HERC1: variants seen among roughly 807,000 people sequenced by gnomAD.
HERC1 encodes the protein probable E3 ubiquitin-protein ligase HERC1.
Under a neutral mutation model 554.3 loss-of-function variants are expected in HERC1, and 160 were observed. The ratio of observed to expected loss-of-function variants is 0.29; its 90% confidence interval spans 0.25 to 0.33. HERC1 has a LOEUF of 0.33. Among genes scored for constraint, HERC1 ranks in the 10% least tolerant of loss-of-function variants. HERC1 has a pLI of 1.00. For synonymous variants in HERC1, 2,175 were observed against 2,131.7 expected, an observed-to-expected ratio of 1.02 and a Z score of -0.56; for missense variants, 4,919 against 5,918.5, an observed-to-expected ratio of 0.83 and a Z score of 5.54.
rs1378851561 is a variant in HERC1, at chr15:63,786,917, A to ATT, written c.-26-11270_-26-11269dup. On this transcript the variant is annotated intron_variant, in intron 1 of 77. Transcript: ENST00000443617. ...GATGTGAACTTCAACTCAATAAATTATTATTTTTTTTTTTTTTATTTTTTG... is the reference window on the plus strand; with the variant it reads ...GATGTGAACTTCAACTCAATAAATTATTTTATTTTTTTTTTTTTTATTTTTTG... Among the ~76,000 whole-genome samples the ATT allele has an allele frequency of 1.4e-3, 184 of 126,942 alleles. 8 individuals are homozygous for ATT. The highest frequency in any genetic ancestry group is 7.5e-3 in the Middle Eastern group (2 of 268). The allele number at this position is 126,942 out of a possible 152,430, so 83.3% of individuals were successfully genotyped here.
intron 12 of HERC1, among the ~76,000 whole-genome samples, chr15:63,736,008 T>A (rs969822232): frequency 1.3e-5 from 2 of 152,018 alleles, no homozygotes; most frequent in Admixed American, 1.3e-4. Flanking sequence ...CAAAAGCCCA[T>A]CTAAAACAAT....
intron 1 of HERC1, among the ~76,000 whole-genome samples, chr15:63,783,736 C>T (rs1253313251): frequency 6.6e-6 from 1 of 152,132 alleles, no homozygotes; most frequent in Non-Finnish European, 1.5e-5. Flanking sequence ...CTTTGAGAAT[C>T]TGATAAAAGC....
chr15:63,767,410 C>T (rs984513425), intron 2 of HERC1, among the ~76,000 whole-genome samples: 1 of 150,852 alleles, frequency 6.6e-6, no homozygotes, highest in Non-Finnish European at 1.5e-5. Flanking sequence ...GGCAGATAAA[C>T]AATAAATAAT....
At chr15:63,800,754 T>C (rs953189343) in intron 1 of HERC1, among the ~76,000 whole-genome samples, 1 of 152,216 alleles carries the variant, frequency 6.6e-6, no homozygotes, top group Non-Finnish European at 1.5e-5. Flanking sequence ...ATTTCCTTTG[T>C]GATAGGGGAA....
At chr15:63,647,140 G>C (rs912370654) in intron 55 of HERC1, among the ~76,000 whole-genome samples, 7 of 152,026 alleles carry the variant, frequency 4.6e-5, no homozygotes, top group African/African-American at 1.7e-4. Context: ...TGTAATCCCA[G>C]CTACTCAGGA....
intron 60 of HERC1, 53 bp from the exon 61 acceptor site, chr15:63,640,498 T>C (rs1164676117): frequency 7.2e-7 from 1 of 1,384,444 alleles, no homozygotes; most frequent in African/African-American, 1.4e-5. Flanking sequence ...CCAAATATTC[T>C]AAATTAACCT....
In HERC1 at chr15:63,640,283, A is replaced by G; in HGVS notation, c.11770T>C (p.Trp3924Arg). Residue 3924 changes from tryptophan (W) to arginine (R), a missense_variant, in exon 61 of 78, where the codon TGG (tryptophan) becomes CGG (arginine). Physicochemically the swap from Trp to Arg is moderately radical, Grantham distance 101. This residue lies in a region of HERC1 where 1,963 missense variants were observed against 2,228.6 expected (regional missense o/e 0.88). Transcript: ENST00000443617. ...PDPASWNPNEWAWLECFSTTI... is the reference protein window; with the variant it reads ...PDPASWNPNERAWLECFSTTI... ...GTTGAGAAACATTCTAACCAGGCCC[A>G]TTCATTTGGATTCCAGGATGCAGGG... 1 of 1,613,914 alleles carries G rather than the reference A, an allele frequency of 6.2e-7. No individual in the cohort carries two copies. The highest frequency in any genetic ancestry group is 8.5e-7 in the Non-Finnish European group (1 of 1,179,842).
intron 12 of HERC1, among the ~76,000 whole-genome samples, chr15:63,743,263 C>CTT (rs71131177): frequency 0.25 from 26,902 of 109,284 alleles, 4,020 homozygotes; most frequent in Middle Eastern, 0.33. Context: ...TTTTCTTTTT[C>CTT]TTTTTTTTTT....
chr15:63,665,028 T>C (rs1285944218), intron 42 of HERC1, among the ~76,000 whole-genome samples: 2 of 152,122 alleles, frequency 1.3e-5, no homozygotes, highest in Admixed American at 1.3e-4. Flanking sequence ...ACTATATGGC[T>C]CCATAGTTAA....
chr15:63,723,974 T>A (rs1232158962), intron 18 of HERC1, among the ~76,000 whole-genome samples: 2 of 152,190 alleles, frequency 1.3e-5, no homozygotes, highest in Non-Finnish European at 2.9e-5. Flanking sequence ...CTTGGGCTAG[T>A]ATCAAAAATC....
At chr15:63,730,965 C>G (rs1431466643) in intron 14 of HERC1, among the ~76,000 whole-genome samples, 1 of 152,168 alleles carries the variant, frequency 6.6e-6, no homozygotes, top group East Asian at 1.9e-4. Flanking sequence ...GTGACTGCTA[C>G]TATAATATTT....
At chr15:63,760,705 T>G (rs1029204112) in intron 3 of HERC1, among the ~76,000 whole-genome samples, 30 of 151,676 alleles carry the variant, frequency 2.0e-4, no homozygotes, top group African/African-American at 7.3e-4. Context: ...CAGGCAAAGA[T>G]CCAACATGCA....
At chr15:63,627,620 G>T (rs1332564003) in intron 70 of HERC1, among the ~76,000 whole-genome samples, 1 of 151,322 alleles carries the variant, frequency 6.6e-6, no homozygotes, top group African/African-American at 2.4e-5. Context: ...GTTGCAGTAA[G>T]CCGAGATTGC....
At chr15:63,744,770 G>C (rs1018823065) in intron 12 of HERC1, among the ~76,000 whole-genome samples, 5 of 152,104 alleles carry the variant, frequency 3.3e-5, no homozygotes, top group Non-Finnish European at 1.5e-5. Flanking sequence ...CTGTAGCCCA[G>C]GACAGGTCTA....
chr15:63,685,200 T>C (rs1020137258), intron 34 of HERC1, among the ~76,000 whole-genome samples: 12 of 152,136 alleles, frequency 7.9e-5, no homozygotes, highest in African/African-American at 2.9e-4. Flanking sequence ...GCAGGAATAA[T>C]GATGTCACAG....
rs568645565 is a variant in HERC1, at chr15:63,636,674, T to C, written c.12233-532A>G. On this transcript the variant is annotated intron_variant, in intron 64 of 77. Transcript: ENST00000443617. ...ACAAGGAAAACGAGGATGACAGCAA[T>C]AGTTACAGTCATTAATGACTGGCTA... 2.6e-5 allele frequency among the ~76,000 whole-genome samples: 4 copies of C among 152,330 alleles called. No homozygotes were observed. In the East Asian group the frequency reaches 7.7e-4, roughly 29 times the overall value.
At chr15:63,642,759 T>A (rs935526365) in intron 59 of HERC1, among the ~76,000 whole-genome samples, 198 bp downstream of exon 59, 1 of 152,158 alleles carries the variant, frequency 6.6e-6, no homozygotes. Flanking sequence ...TGGGGTGTAG[T>A]AGAAAAAACA....
At chr15:63,634,962 TATTA>T (rs2068715860) in intron 65 of HERC1, 74 bp from the exon 66 acceptor site, 3 of 1,077,326 alleles carry the variant, frequency 2.8e-6, no homozygotes, top group Non-Finnish European at 4.1e-6. Flanking sequence ...CCATTTTTGG[TATTA>T]ATATAGCAAT....
intron 26 of HERC1, 89 bp from the exon 27 acceptor site, chr15:63,696,428 G>C (rs2072417621): frequency 2.5e-6 from 2 of 811,264 alleles, no homozygotes; most frequent in Non-Finnish European, 4.0e-6. Context: ...TTAACACTTA[G>C]AAAATTCTGA....
Sources: allele counts gnomAD v4.1 joint callset (sites outside exome capture counted in the v4.1 genomes callset), GRCh38; gene constraint gnomAD v4.1.1; regional missense constraint gnomAD v4.1.1; transcripts MANE v1.5; gene names NCBI Gene and HGNC (gene_info 2026-07-23, HGNC 2026-07-21).